SAMD12: variants seen among roughly 807,000 people sequenced by gnomAD.
The protein encoded by SAMD12 is sterile alpha motif domain containing 12.
Under a neutral mutation model 15.0 loss-of-function variants are expected in SAMD12, and 9 were observed. The observed-to-expected ratio is 0.60, with a 90% CI of 0.36 to 1.05. SAMD12 has a LOEUF of 1.05. Among genes scored for constraint, SAMD12 ranks in the 50% least tolerant of loss-of-function variants. SAMD12 has a pLI of 0.01. For missense variants in SAMD12, 230 were observed against 234.2 expected, an observed-to-expected ratio of 0.98 and a Z score of 0.12; for synonymous variants, 86 against 90.1, an observed-to-expected ratio of 0.96 and a Z score of 0.25.
At chr8:118,448,358 C>A (rs1822979725) in intron 2 of SAMD12, among the ~76,000 whole-genome samples, 1 of 152,156 alleles carries the variant, frequency 6.6e-6, no homozygotes, top group South Asian at 2.1e-4. Context: ...GTTATTTTTT[C>A]TACTGTTTAT....
intron 4 of SAMD12, among the ~76,000 whole-genome samples, chr8:118,290,595 A>G (rs756597776): frequency 2.0e-5 from 3 of 152,258 alleles, no homozygotes; most frequent in Admixed American, 6.5e-5. Context: ...CTTAAATTAC[A>G]TTAACTGAAA....
intron 4 of SAMD12, among the ~76,000 whole-genome samples, chr8:118,269,850 C>T (rs903047299): frequency 6.6e-6 from 1 of 152,142 alleles, no homozygotes; most frequent in Non-Finnish European, 1.5e-5. Flanking sequence ...TGGAATCCAT[C>T]TTTGTGTACA....
intron 2 of SAMD12, among the ~76,000 whole-genome samples, chr8:118,462,306 GCA>G (rs1251883172): frequency 6.6e-6 from 1 of 152,140 alleles, no homozygotes; most frequent in Non-Finnish European, 1.5e-5. Flanking sequence ...TGTTAAGCTT[GCA>G]CACATCTCTC....
chr8:118,286,213 C>T (rs769453036), intron 4 of SAMD12, among the ~76,000 whole-genome samples: 4 of 151,534 alleles, frequency 2.6e-5, no homozygotes, highest in South Asian at 2.1e-4. Flanking sequence ...ATATACCTAA[C>T]GTAAATGACG....
intron 2 of SAMD12, among the ~76,000 whole-genome samples, chr8:118,536,443 AACACACACACACAC>A (rs1165508519): frequency 3.5e-5 from 5 of 140,872 alleles, no homozygotes; most frequent in East Asian, 2.3e-4. Flanking sequence ...CTGATACACA[AACACACACACACAC>A]ACACACACAC....
downstream of SAMD12, among the ~76,000 whole-genome samples, chr8:118,184,643 C>T (rs1819212687): frequency 6.6e-6 from 1 of 152,040 alleles, no homozygotes; most frequent in Admixed American, 6.6e-5. Context: ...TTATAGGTAC[C>T]TGCCACCATG....
intron 3 of SAMD12, among the ~76,000 whole-genome samples, chr8:118,422,038 G>GTA (rs1400164197): frequency 3.0e-4 from 45 of 152,334 alleles, no homozygotes; most frequent in African/African-American, 1.0e-3. Context: ...AGATAGGGAA[G>GTA]TATAGGATGA....
At chr8:118,142,313 TTACCTC>T in the SAMD12 span, among the ~76,000 whole-genome samples, 1 of 152,176 alleles carries the variant, frequency 6.6e-6, no homozygotes, top group East Asian at 1.9e-4. Flanking sequence ...CATTCCCCCT[TTACCTC>T]TACGAAAAGT....
rs1235919422 is a variant in SAMD12, at chr8:118,379,217, A to C, written c.*200T>G. ...TGGACTGTACAGTTGTGCAGGCTGC[A>C]CATTATACAACTCTAGTGAGTGCAA... is the stretch of plus-strand genomic sequence containing the variant. On this transcript the variant is annotated 3_prime_UTR_variant, in exon 4 of 4. Coordinates refer to ENST00000314727, the MANE Select transcript of SAMD12 (RefSeq NM_207506.3). 7.1e-7 allele frequency: 1 copy of C among 1,402,340 alleles called. No homozygotes were observed. 86.9% of individuals were successfully genotyped at this position (1,402,340 alleles called of 1,614,324 possible). A position where few individuals can be genotyped will look rare whatever the true frequency, so the allele number is the denominator to read the frequency against.
At chr8:118,269,984 A>G (rs972219412) in intron 4 of SAMD12, among the ~76,000 whole-genome samples, 4 of 152,204 alleles carry the variant, frequency 2.6e-5, no homozygotes, top group African/African-American at 9.6e-5. Context: ...GGGTCAGCAG[A>G]CATATTTAGT....
At chr8:118,334,802 G>T (rs1213478854) in intron 4 of SAMD12, among the ~76,000 whole-genome samples, 3 of 152,044 alleles carry the variant, frequency 2.0e-5, no homozygotes, top group African/African-American at 7.2e-5. Flanking sequence ...TCACCATGTT[G>T]CCCAGGTTGG....
At position 118,456,707 on chromosome 8, in the gene SAMD12, C is replaced by CCATT. The variant is rs770554615; in HGVS notation, c.193-16750_193-16747dup. Among the ~76,000 whole-genome samples, 6 of 152,188 alleles carry CCATT rather than the reference C, an allele frequency of 3.9e-5. No homozygotes were observed. The South Asian group carries it at 6.2e-4, about 16-fold the overall frequency. On this transcript the variant is annotated intron_variant, in intron 2 of 3. Coordinates refer to ENST00000314727, the MANE Select transcript of SAMD12 (RefSeq NM_207506.3). ...ATATAGGAATGTGTCTGCTCTGTCT[C>CCATT]CATTCATTCATTCATTCAAATATAT...
intron 4 of SAMD12, among the ~76,000 whole-genome samples, chr8:118,280,740 A>T (rs888977464): frequency 1.3e-5 from 2 of 152,200 alleles, no homozygotes; most frequent in Non-Finnish European, 2.9e-5. Context: ...TGATTTTCTC[A>T]TTAGGCAACT....
At chr8:118,341,096 T>C (rs966090080) in intron 4 of SAMD12, among the ~76,000 whole-genome samples, 7 of 152,204 alleles carry the variant, frequency 4.6e-5, no homozygotes, top group Non-Finnish European at 1.0e-4. Flanking sequence ...GCTTCTTCAT[T>C]TGTGTATCTG....
intron 2 of SAMD12, among the ~76,000 whole-genome samples, chr8:118,554,234 G>T (rs1005535651): frequency 6.6e-6 from 1 of 152,246 alleles, no homozygotes; most frequent in African/African-American, 2.4e-5. Flanking sequence ...ACATGCACAC[G>T]TATGTTTATT....
chr8:118,302,078 GTTTTTTTTTTT>G (rs58076997), intron 4 of SAMD12, among the ~76,000 whole-genome samples: 2 of 74,692 alleles, frequency 2.7e-5, no homozygotes, highest in African/African-American at 7.0e-5. Flanking sequence ...ATCTTTGAGA[GTTTTTTTTTTT>G]TTTTTTTTTT....
chr8:118,263,088 T>C (rs1346304830), intron 4 of SAMD12, among the ~76,000 whole-genome samples: 2 of 152,060 alleles, frequency 1.3e-5, no homozygotes, highest in Non-Finnish European at 2.9e-5. Context: ...CTGCCACCCT[T>C]GTTTTATCTC....
At chr8:118,423,292 A>G (rs1822091822) in intron 3 of SAMD12, among the ~76,000 whole-genome samples, 1 of 152,178 alleles carries the variant, frequency 6.6e-6, no homozygotes, top group African/African-American at 2.4e-5. Context: ...TCCTGAGGGT[A>G]TAGATACCCA....
intron 4 of SAMD12, among the ~76,000 whole-genome samples, chr8:118,334,012 C>T (rs571926459): frequency 1.3e-5 from 2 of 151,920 alleles, no homozygotes; most frequent in South Asian, 4.2e-4. Flanking sequence ...GAGTGTCCCA[C>T]CCCTTCAGTG....
Sources: allele counts gnomAD v4.1 joint callset (sites outside exome capture counted in the v4.1 genomes callset), GRCh38; gene constraint gnomAD v4.1.1; transcripts MANE v1.5; gene names NCBI Gene and HGNC (gene_info 2026-07-23, HGNC 2026-07-21).